The following RUNX3 variants were observed in gnomAD, a reference collection of about 807,000 sequenced individuals.
The protein encoded by RUNX3 is runt-related transcription factor 3.
A neutral mutation model predicts 27.7 loss-of-function variants in RUNX3; 10 were observed. That is an observed-to-expected ratio of 0.36 (90% CI 0.22 to 0.61). The LOEUF (loss-of-function observed/expected upper bound fraction) is 0.61, where lower values mean the gene tolerates loss of function less well. RUNX3 is among the 20% of genes least tolerant of loss of function. The pLI, the probability that RUNX3 is intolerant of heterozygous loss-of-function variation, is 0.72. For missense variants in RUNX3, 469 were observed against 629.5 expected (o/e 0.75, Z 2.73); for synonymous variants, 270 against 269.2 (o/e 1.00, Z -0.03).
At chr1:24,909,239 A>G (rs1327147959) in intron 3 of RUNX3, among the ~76,000 whole-genome samples, 5 of 152,210 alleles carry the variant, frequency 3.3e-5, no homozygotes, top group Non-Finnish European at 7.3e-5. Context: ...ACATTTCACA[A>G]GCAACACGTG....
upstream of RUNX3, among the ~76,000 whole-genome samples, chr1:24,933,967 G>A (rs1001805331): frequency 1.1e-4 from 17 of 152,180 alleles, no homozygotes; most frequent in African/African-American, 4.1e-4. Context: ...CAGTGCCCTA[G>A]AACTCAAAGG....
intron 2 of RUNX3, among the ~76,000 whole-genome samples, chr1:24,957,627 G>A (rs1393336115): frequency 6.6e-6 from 1 of 152,254 alleles, no homozygotes; most frequent in African/African-American, 2.4e-5. Context: ...ATCCTGCTTA[G>A]AGTCAGACAG....
chr1:24,919,761 C>CG (rs1557842338), intron 2 of RUNX3, among the ~76,000 whole-genome samples: 1 of 151,922 alleles, frequency 6.6e-6, no homozygotes, highest in Non-Finnish European at 1.5e-5. Context: ...CACCCCCCCC[C>CG]CACGGTTCCA....
chr1:24,919,201 T>TC (rs1403103809), intron 3 of RUNX3, 39 bp downstream of exon 3: 1 of 1,309,508 alleles, frequency 7.6e-7, no homozygotes, highest in East Asian at 2.4e-5. Context: ...TGGACCCTCC[T>TC]CCCCCGCGCA....
chr1:24,920,214 C>CTTT (rs60076928), intron 2 of RUNX3, among the ~76,000 whole-genome samples: 1 of 144,952 alleles, frequency 6.9e-6, no homozygotes, highest in African/African-American at 2.5e-5. Context: ...TAAAATACTA[C>CTTT]TTTTTTTTTT....
chr1:24,948,117 A>C (rs952730301), intron 2 of RUNX3, among the ~76,000 whole-genome samples: 2 of 152,216 alleles, frequency 1.3e-5, no homozygotes, highest in African/African-American at 4.8e-5. Context: ...CTCCAGAAGC[A>C]TCCACCCAGT....
At chr1:24,913,847 C>A (rs758100719) in intron 3 of RUNX3, among the ~76,000 whole-genome samples, 1 of 152,198 alleles carries the variant, frequency 6.6e-6, no homozygotes, top group African/African-American at 2.4e-5. Flanking sequence ...CAGGGTTACC[C>A]CCTTGCCTCC....
At chr1:24,934,470 G>T (rs1641300727), upstream of RUNX3, among the ~76,000 whole-genome samples, 2 of 152,176 alleles carry the variant, frequency 1.3e-5, no homozygotes, top group African/African-American at 4.8e-5. Flanking sequence ...CTGCCTGTGC[G>T]GTCTGAGACT....
intron 2 of RUNX3, among the ~76,000 whole-genome samples, chr1:24,939,593 G>C (rs80218407): frequency 1.3e-5 from 2 of 152,364 alleles, no homozygotes; most frequent in East Asian, 3.9e-4. Context: ...CAGAGCTTTG[G>C]ATTTGTTCTA....
intron 2 of RUNX3, among the ~76,000 whole-genome samples, chr1:24,947,385 T>C (rs1437826929): frequency 6.6e-6 from 1 of 152,154 alleles, no homozygotes; most frequent in Non-Finnish European, 1.5e-5. Context: ...GTCTGTGAAA[T>C]GGGAGAGCAG....
At chr1:24,911,496 A>G in intron 3 of RUNX3, among the ~76,000 whole-genome samples, 1 of 152,144 alleles carries the variant, frequency 6.6e-6, no homozygotes, top group East Asian at 1.9e-4. Flanking sequence ...TCCCCATCAC[A>G]CTGTCTTTGT....
At chr1:24,950,056 C>T (rs1021019308) in intron 2 of RUNX3, among the ~76,000 whole-genome samples, 12 of 152,262 alleles carry the variant, frequency 7.9e-5, no homozygotes, top group Admixed American at 3.3e-4. Context: ...GATGCCTGCA[C>T]TGTATTTCTG....
chr1:24,915,798 G>A (rs1235968154), intron 3 of RUNX3, among the ~76,000 whole-genome samples: 1 of 152,144 alleles, frequency 6.6e-6, no homozygotes, highest in Non-Finnish European at 1.5e-5. Flanking sequence ...AACGGGCACA[G>A]GCTAGGGGGG....
At chr1:24,931,597 G>C (rs956657310), upstream of RUNX3, among the ~76,000 whole-genome samples, 1 of 152,228 alleles carries the variant, frequency 6.6e-6, no homozygotes, top group Non-Finnish European at 1.5e-5. Context: ...CTCTCGACAG[G>C]TGCAAAACAA....
Position 24,916,030 on chromosome 1 carries a change from C to T in RUNX3, c.544+3210G>A, listed in dbSNP as rs1052612184. 2.0e-5 allele frequency among the ~76,000 whole-genome samples: 3 copies of T among 152,196 alleles called. No homozygotes were observed. Among genetic ancestry groups the T allele is most frequent in the Non-Finnish European group, 2.9e-5 (2 of 68,026 alleles). On this transcript the variant is annotated intron_variant, in intron 3 of 4. Transcript: ENST00000308873. The surrounding 1 kb of genome is among the most constrained non-coding windows in gnomAD (Gnocchi z 4.8). ...TGGCCACCTGGCTGCAGGCCGGGCACGCTCTGCAGGGCACCAGAGGGGAAC... is the reference window on the plus strand; with the variant it reads ...TGGCCACCTGGCTGCAGGCCGGGCATGCTCTGCAGGGCACCAGAGGGGAAC...
intron 2 of RUNX3, among the ~76,000 whole-genome samples, chr1:24,945,189 C>T (rs1226323874): frequency 6.6e-6 from 1 of 152,132 alleles, no homozygotes; most frequent in Non-Finnish European, 1.5e-5. Flanking sequence ...AAATAATGAA[C>T]TCCTTTTTAG....
At chr1:24,964,776 G>A (rs1469507510) in intron 1 of RUNX3, 14 of 1,272,298 alleles carry the variant, frequency 1.1e-5, no homozygotes, top group Non-Finnish European at 1.5e-5. Context: ...AAGAACGCGA[G>A]AGTGTGTGTG....
chr1:24,964,777 A>G, intron 1 of RUNX3: 1 of 1,274,228 alleles, frequency 7.8e-7, no homozygotes, highest in Non-Finnish European at 1.0e-6. Flanking sequence ...AGAACGCGAG[A>G]GTGTGTGTGA....
chr1:24,922,438 C>T (rs1472952583), intron 2 of RUNX3, among the ~76,000 whole-genome samples: 5 of 152,242 alleles, frequency 3.3e-5, no homozygotes, highest in Non-Finnish European at 7.3e-5. Flanking sequence ...CAAGTACGAG[C>T]GTAGGCAACA....
Sources: gnomAD v4.1 joint callset for allele counts (sites outside exome capture counted in the v4.1 genomes callset) on GRCh38, gnomAD v4.1.1 for gene constraint, Gnocchi (gnomAD v3.1) non-coding constraint, MANE v1.5 for transcripts, NCBI Gene and HGNC (gene_info 2026-07-23, HGNC 2026-07-21) for gene names.